Variants in DMPK observed in about 807,000 individuals in gnomAD.
DMPK encodes myotonin-protein kinase.
DMPK carries 32 observed loss-of-function variants against 70.3 expected under a neutral mutation model. That is an observed-to-expected ratio of 0.46 (90% confidence interval 0.34 to 0.61). The LOEUF (loss-of-function observed/expected upper bound fraction) is 0.61, where lower values mean the gene tolerates loss of function less well. Ranked by LOEUF, DMPK falls within the 20% of genes least tolerant of loss-of-function variation. The pLI, the probability that DMPK is intolerant of heterozygous loss-of-function variation, is 0.01. For missense variants in DMPK, 899 were observed against 886.0 expected (o/e 1.01, Z -0.19); for synonymous variants, 469 against 390.9 (o/e 1.20, Z -2.36).
intron 4 of DMPK, 115 bp from the exon 5 acceptor site, chr19:45,778,756 C>T: frequency 8.8e-7 from 1 of 1,132,164 alleles, no homozygotes; most frequent in Non-Finnish European, 1.3e-6. Context: ...ACCTGCAGCC[C>T]CAGCCCAGAG....
At chr19:45,778,269 G>A in intron 5 of DMPK, 49 bp from the exon 6 acceptor site, 2 of 1,544,704 alleles carry the variant, frequency 1.3e-6, no homozygotes, top group East Asian at 2.3e-5. Flanking sequence ...TCCCTTCTGT[G>A]GTCCCACCAG....
In DMPK at chr19:45,772,641, T is replaced by C; in HGVS notation, c.1344A>G (p.Thr448=). The stretch of plus-strand genomic sequence containing the variant: ...GACCCCCTCCCCTCCACCAACTTAC[T>C]GTTTCATCCTGTGGGGACACCGAGG... ...LEPSVSPQDE[T]AEVAVPAAVP... Residue 448 remains threonine (T), a splice_region_variant and synonymous_variant, in exon 10 of 15, where the codon ACA becomes ACG. Transcript: ENST00000291270. The C allele has an allele frequency of 1.9e-6, 3 of 1,542,042 alleles. No homozygotes were observed. The highest frequency in any genetic ancestry group is 2.6e-6 in the Non-Finnish European group (3 of 1,151,464).
At chr19:45,779,743 C>A (rs772059693) in intron 2 of DMPK, 35 bp downstream of exon 2, 5 of 1,535,000 alleles carry the variant, frequency 3.3e-6, no homozygotes, top group African/African-American at 1.4e-5. Flanking sequence ...CCGCCCACCA[C>A]GAGTCAAGTC....
In DMPK at chr19:45,778,042, C is replaced by G. The variant is rs748856470; in HGVS notation, c.675+85G>C. The G allele has an allele frequency of 2.2e-4, 299 of 1,334,604 alleles. 1 individual carries two copies. The highest frequency in any genetic ancestry group is 1.1e-3 in the Middle Eastern group (6 of 5,528). The allele number at this position is 1,334,604 out of a possible 1,614,324, so 82.7% of individuals were successfully genotyped here. On this transcript the variant is annotated intron_variant, in intron 6 of 14. Transcript: ENST00000291270. ...TGGGTCACACCACCTCTTTTCCCCT[C>G]CAAATCCAGTCCCGCTCCCACACTC...
intron 14 of DMPK, 70 bp from the exon 15 acceptor site, chr19:45,770,710 C>T: frequency 3.3e-6 from 5 of 1,496,644 alleles, no homozygotes; most frequent in Admixed American, 2.1e-5. Context: ...GCCCCGCCTA[C>T]GCCCATAGGT....
In DMPK at chr19:45,771,369, G is replaced by A. The variant is rs1453317037; in HGVS notation, c.1628C>T (p.Ala543Val). ...TCTTACATGGGAAGGTGGATCCGTG[G>A]CCCGGGGACTGGGGACCCCCGTGAC... is the stretch of plus-strand genomic sequence containing the variant. Reference protein sequence around the residue: ...TAVTGVPSPRATDPPSHLDGP... With the variant: ...TAVTGVPSPRVTDPPSHLDGP... Residue 543 changes from alanine (A) to valine (V), a missense_variant, in exon 13 of 15, where the codon GCC (alanine) becomes GTC (valine). Physicochemically the swap from Ala to Val is moderately conservative, Grantham distance 64 (BLOSUM62 0). Transcript: ENST00000291270. 30 of 1,602,500 alleles carry A rather than the reference G, an allele frequency of 1.9e-5. No homozygotes were observed. The highest frequency in any genetic ancestry group is 2.5e-5 in the Non-Finnish European group (29 of 1,176,324).
rs1969232496 is a variant in DMPK, at chr19:45,769,964, G to A, written c.*524C>T. The A allele has an allele frequency of 3.2e-6, 1 of 309,614 alleles. No individual in the cohort carries two copies. Among genetic ancestry groups the A allele is most frequent in the South Asian group, 3.4e-5 (1 of 29,372 alleles). The allele number at this position is 309,614 out of a possible 1,614,324, so 19.2% of individuals were successfully genotyped here. A position where few individuals can be genotyped will look rare whatever the true frequency, so the allele number is the denominator to read the frequency against. On this transcript the variant is annotated 3_prime_UTR_variant, in exon 15 of 15. Transcript: ENST00000291270. ...GTGAGGAGGGGGGCGCGGGATCCCC[G>A]AAAAAGCGGGTTTGGCAAAAGCAAA...
chr19:45,775,161 C>G, intron 8 of DMPK, 127 bp from the exon 9 acceptor site: 1 of 689,978 alleles, frequency 1.4e-6, no homozygotes, highest in Non-Finnish European at 2.5e-6. Context: ...GCCCCTCCAG[C>G]ATTTTTTCTT....
Position 45,769,884 on chromosome 19 carries a change from A to T in DMPK, c.*604T>A. The T allele has an allele frequency of 3.7e-6, 1 of 269,766 alleles. No homozygotes were observed. The highest frequency in any genetic ancestry group is 3.9e-5 in the South Asian group (1 of 25,344). 16.7% of individuals were successfully genotyped at this position (269,766 alleles called of 1,614,324 possible). A position where few individuals can be genotyped will look rare whatever the true frequency, so the allele number is the denominator to read the frequency against. On this transcript the variant is annotated 3_prime_UTR_variant, in exon 15 of 15. Transcript: ENST00000291270. ...AGCGAGTCGGAGGACGAGGTCAATA[A>T]ATATCCAAACCGCCGAAGCGGGCGG...
intron 13 of DMPK, 45 bp from the exon 14 acceptor site, chr19:45,771,105 C>G: frequency 6.9e-7 from 1 of 1,446,648 alleles, no homozygotes; most frequent in East Asian, 2.5e-5. Flanking sequence ...CCCAGCCCAG[C>G]CCTCAGCGGT....
At position 45,771,397 on chromosome 19, in the gene DMPK, C is replaced by A. The variant is rs764041434; in HGVS notation, c.1601-1G>T. 1 of 1,607,952 alleles carries A rather than the reference C, an allele frequency of 6.2e-7. No homozygotes were observed. Among genetic ancestry groups the A allele is most frequent in the Non-Finnish European group, 8.5e-7 (1 of 1,178,166 alleles). The stretch of plus-strand genomic sequence containing the variant: ...CGGGGACTGGGGACCCCCGTGACAG[C>A]TGGAAGGAGAAGAAAGAGGCATAGG... On this transcript the variant is annotated splice_acceptor_variant, in intron 12 of 14. Coordinates refer to ENST00000291270, the MANE Select transcript of DMPK (RefSeq NM_004409.5). LOFTEE classifies it high-confidence loss of function.
At chr19:45,772,228 C>G in intron 10 of DMPK, 2 of 430,236 alleles carry the variant, frequency 4.6e-6, no homozygotes, top group South Asian at 8.6e-5. Context: ...GCCCTCACGA[C>G]AAAAGGCCTT....
At position 45,771,092 on chromosome 19, in the gene DMPK, G is replaced by GAGCCC. The variant is rs528305659; in HGVS notation, c.1648-37_1648-33dup. The GAGCCC allele has an allele frequency of 9.5e-5, 143 of 1,497,568 alleles. No homozygotes were observed. The African/African-American group carries it at 1.7e-3, about 18-fold the overall frequency. 92.8% of individuals were successfully genotyped at this position (1,497,568 alleles called of 1,614,324 possible). A position where few individuals can be genotyped will look rare whatever the true frequency, so the allele number is the denominator to read the frequency against. ...AGAGAAGGGACAGGTGACCCGATCG[G>GAGCCC]AGCCCAGCCCAGCCCTCAGCGGTGG... On this transcript the variant is annotated intron_variant, in intron 13 of 14. Coordinates refer to ENST00000291270, the MANE Select transcript of DMPK (RefSeq NM_004409.5).
chr19:45,771,582 G>A lies in DMPK; in HGVS notation c.1586C>T (p.Ala529Val), dbSNP rs759640975. The change falls in exon 12 of 15, where the codon GCA (alanine) becomes GTA (valine). Residue 529 changes from alanine to valine, a missense_variant. Physicochemically the swap from Ala to Val is moderately conservative, Grantham distance 64. Coordinates refer to ENST00000291270, the MANE Select transcript of DMPK (RefSeq NM_004409.5). Reference protein sequence around the residue: ...QLQERMELLQAEGATAVTGVP... With the variant: ...QLQERMELLQVEGATAVTGVP... ...GAGGGACTCACCTGTGGCTCCCTCT[G>A]CCTGCAGCAACTCCATCCGCTCCTG... is the stretch of plus-strand genomic sequence containing the variant. The A allele has an allele frequency of 5.0e-6, 8 of 1,613,936 alleles. No homozygotes were observed. Among genetic ancestry groups the A allele is most frequent in the Non-Finnish European group, 4.2e-6 (5 of 1,179,934 alleles).
chr19:45,770,266 ATT>A lies in DMPK; in HGVS notation c.*220_*221del, dbSNP rs1969296525. 1.2e-6 allele frequency: 1 copy of A among 823,878 alleles called. No homozygotes were observed. 51.0% of individuals were successfully genotyped at this position (823,878 alleles called of 1,614,324 possible). A position where few individuals can be genotyped will look rare whatever the true frequency, so the allele number is the denominator to read the frequency against. Reference sequence around the variant, plus strand: ...CAGCAGCAGCAGCAGCAGCAGCAGCATTCCCGGCTACAAGGACCCTTCGAGCC... The same window carrying A: ...CAGCAGCAGCAGCAGCAGCAGCAGCACCCGGCTACAAGGACCCTTCGAGCC... On this transcript the variant is annotated 3_prime_UTR_variant, in exon 15 of 15. Transcript: ENST00000291270.
In DMPK at chr19:45,770,256, C is replaced by CAGG; in HGVS notation, c.*231_*232insCCT. 1.3e-6 allele frequency: 1 copy of CAGG among 784,520 alleles called. No individual in the cohort carries two copies. The highest frequency in any genetic ancestry group is 3.0e-5 in the East Asian group (1 of 33,280). The allele number at this position is 784,520 out of a possible 1,614,324, so 48.6% of individuals were successfully genotyped here. A position where few individuals can be genotyped will look rare whatever the true frequency, so the allele number is the denominator to read the frequency against. ...GCAGCAGCAGCAGCAGCAGCAGCAG[C>CAGG]AGCAGCAGCATTCCCGGCTACAAGG... On this transcript the variant is annotated 3_prime_UTR_variant, in exon 15 of 15. Transcript: ENST00000291270.
rs1969874893 is a variant in DMPK, at chr19:45,777,964, G to C, written c.676-91C>G. The C allele has an allele frequency of 1.5e-6, 2 of 1,342,498 alleles. No individual in the cohort carries two copies. Among genetic ancestry groups the C allele is most frequent in the Non-Finnish European group, 2.1e-6 (2 of 969,922 alleles). The allele number at this position is 1,342,498 out of a possible 1,614,324, so 83.2% of individuals were successfully genotyped here. ...CTTCCAACCACTCCCCAAATGCTTA[G>C]CCCCTCCCTCTGCCTGGTCTAATAC... On this transcript the variant is annotated intron_variant, in intron 6 of 14. Coordinates refer to ENST00000291270, the MANE Select transcript of DMPK (RefSeq NM_004409.5). The surrounding 1 kb of genome is among the most constrained non-coding windows in gnomAD (Gnocchi z 6.7).
intron 13 of DMPK, 86 bp from the exon 14 acceptor site, chr19:45,771,146 TG>T (rs1298079190): frequency 4.9e-6 from 6 of 1,234,962 alleles, no homozygotes; most frequent in Non-Finnish European, 6.7e-6. Flanking sequence ...GAATCGAGGT[TG>T]GGGAGGTTAT....
chr19:45,780,385 G>A (rs151259364), intron 1 of DMPK: 3 of 1,463,934 alleles, frequency 2.0e-6, no homozygotes, highest in African/African-American at 1.4e-5. Flanking sequence ...TTTGGGGCTG[G>A]GGGAAGGAAC....
Sources: allele counts gnomAD v4.1 joint callset, GRCh38; gene constraint gnomAD v4.1.1; non-coding constraint Gnocchi (gnomAD v3.1); transcripts MANE v1.5; gene names NCBI Gene and HGNC (gene_info 2026-07-23, HGNC 2026-07-21).